The following RMDN2 variants were observed in gnomAD, a reference collection of about 807,000 sequenced individuals.
RMDN2 encodes the protein regulator of microtubule dynamics protein 2.
RMDN2 carries 61 observed loss-of-function variants against 52.8 expected under a neutral mutation model. That is an observed-to-expected ratio of 1.16 (90% CI 0.94 to 1.43). The LOEUF (loss-of-function observed/expected upper bound fraction) is 1.43, where lower values mean the gene tolerates loss of function less well. Among genes scored for constraint, RMDN2 ranks in the 40% most tolerant of loss-of-function variants. The pLI, the probability that RMDN2 is intolerant of heterozygous loss-of-function variation, is 0.00. For missense variants in RMDN2, 592 were observed against 475.3 expected, an observed-to-expected ratio of 1.25 and a Z score of -2.28; for synonymous variants, 180 against 153.1, an observed-to-expected ratio of 1.18 and a Z score of -1.30.
intron 1 of RMDN2, among the ~76,000 whole-genome samples, chr2:37,926,280 C>A (rs1009297264): frequency 6.6e-6 from 1 of 152,160 alleles, no homozygotes; most frequent in Non-Finnish European, 1.5e-5. Flanking sequence ...AGCATAATTT[C>A]TACATCAAAA....
At chr2:37,953,702 A>T (rs147319677) in intron 2 of RMDN2, among the ~76,000 whole-genome samples, 5 of 152,012 alleles carry the variant, frequency 3.3e-5, no homozygotes, top group Admixed American at 6.6e-5. Flanking sequence ...TCTTTTGAGT[A>T]TATATCCAGA....
At chr2:37,957,370 T>A (rs537408428) in intron 2 of RMDN2, among the ~76,000 whole-genome samples, 1 of 152,244 alleles carries the variant, frequency 6.6e-6, no homozygotes, top group African/African-American at 2.4e-5. Context: ...AGATGGTATC[T>A]CATTGTGGTT....
chr2:38,063,963 G>A (rs1368751015), intron 10 of RMDN2, among the ~76,000 whole-genome samples: 1 of 151,602 alleles, frequency 6.6e-6, no homozygotes, highest in Non-Finnish European at 1.5e-5. Flanking sequence ...GAAAACAATA[G>A]TGAATCCTGT....
At chr2:37,962,590 C>T (rs562062955) in intron 2 of RMDN2, among the ~76,000 whole-genome samples, 23 of 152,264 alleles carry the variant, frequency 1.5e-4, no homozygotes, top group Admixed American at 9.1e-4. Flanking sequence ...GTGCTGGCAG[C>T]GAGAATTTCC....
chr2:38,066,748 C>T (rs1236905165), intron 10 of RMDN2: 1 of 501,836 alleles, frequency 2.0e-6, no homozygotes. Context: ...CAAAAACTGG[C>T]CCCAATTATA....
chr2:37,961,310 C>T (rs1439715842), intron 2 of RMDN2, among the ~76,000 whole-genome samples: 1 of 152,104 alleles, frequency 6.6e-6, no homozygotes, highest in Admixed American at 6.5e-5. Flanking sequence ...TTCTCCCTAT[C>T]ACTTTCAGGT....
intron 10 of RMDN2, among the ~76,000 whole-genome samples, chr2:38,010,927 G>C (rs563420735): frequency 1.3e-5 from 2 of 152,186 alleles, no homozygotes; most frequent in Non-Finnish European, 2.9e-5. Flanking sequence ...AAAATTTGCT[G>C]TATCTCTGTA....
chr2:38,044,268 TA>T (rs1681137683), intron 10 of RMDN2, among the ~76,000 whole-genome samples: 1 of 152,076 alleles, frequency 6.6e-6, no homozygotes, highest in Non-Finnish European at 1.5e-5. Context: ...GTTGTCTCTC[TA>T]CAGGTAAAGT....
rs528387019 is a variant in RMDN2 at position 38,030,763 on chromosome 2, G to A, written c.1713+26547G>A. 3.9e-5 allele frequency: 6 copies of A among 152,294 alleles called. No homozygotes were observed. The East Asian group carries it at 1.2e-3, about 29-fold the overall frequency. 9.4% of individuals were successfully genotyped at this position (152,294 alleles called of 1,614,324 possible). ...GGTACAAAGGTTAGATTTGCTGAAG[G>A]TCACACACTTTGTTTCTAAGACTGT... On this transcript the variant is annotated intron_variant, in intron 10 of 10. Coordinates refer to the RMDN2 transcript ENST00000234195.
At chr2:37,981,130 C>T (rs1166249494) in intron 4 of RMDN2, among the ~76,000 whole-genome samples, 153 bp from the exon 5 acceptor site, 1 of 152,154 alleles carries the variant, frequency 6.6e-6, no homozygotes, top group Non-Finnish European at 1.5e-5. Context: ...GAGTAGATCT[C>T]CAATGTGGCT....
rs146365402 is a variant in RMDN2 at position 37,939,384 on chromosome 2, A to G, written c.452+9655A>G. ...TATATTCTGTTGATGTGTGGTGGAG[A>G]GTTCTATAGATGTCTATTAGGTCCG... On this transcript the variant is annotated intron_variant, in intron 2 of 10. Transcript: ENST00000354545. Among the ~76,000 whole-genome samples the G allele has an allele frequency of 1.4e-3, 217 of 152,138 alleles. 5 individuals are homozygous for G. The East Asian group carries it at 0.037, about 26-fold the overall frequency.
At position 37,994,885 on chromosome 2, in the gene RMDN2, A is replaced by C. The variant is rs546918029; in HGVS notation, c.946-2531A>C. On this transcript the variant is annotated intron_variant, in intron 7 of 10. Transcript: ENST00000354545. ...AACAACATGCATGACTCTTCAAAGC[A>C]TTATGCCGAGAAAGCTCACAGAAGA... is the stretch of plus-strand genomic sequence containing the variant. Among the ~76,000 whole-genome samples the C allele has an allele frequency of 9.2e-5, 14 of 152,342 alleles. 1 individual carries two copies. In the South Asian group the frequency reaches 2.7e-3, roughly 29 times the overall value.
At chr2:37,982,726 G>A (rs545068781) in intron 5 of RMDN2, among the ~76,000 whole-genome samples, 1 of 152,112 alleles carries the variant, frequency 6.6e-6, no homozygotes, top group Non-Finnish European at 1.5e-5. Flanking sequence ...TAATTTTTCA[G>A]GTAACAATTT....
At chr2:37,964,147 TGCCGGGCGGAGGG>T (rs1670711291) in intron 2 of RMDN2, among the ~76,000 whole-genome samples, 3 of 150,262 alleles carry the variant, frequency 2.0e-5, no homozygotes, top group African/African-American at 7.4e-5. Context: ...ACGGGGCGCC[TGCCGGGCGGAGGG>T]GCTCCTCACT....
intron 10 of RMDN2, among the ~76,000 whole-genome samples, chr2:38,045,528 G>A (rs933932585): frequency 2.0e-5 from 3 of 152,158 alleles, no homozygotes; most frequent in Non-Finnish European, 1.5e-5. Flanking sequence ...GGAACAAGGA[G>A]CTTTAGAAAT....
chr2:38,026,772 T>C (rs1277448847), intron 10 of RMDN2, among the ~76,000 whole-genome samples: 1 of 152,164 alleles, frequency 6.6e-6, no homozygotes, highest in Non-Finnish European at 1.5e-5. Context: ...CTTTCTACTA[T>C]AAGCATTTAG....
At chr2:37,948,577 C>G (rs1183763879) in intron 2 of RMDN2, among the ~76,000 whole-genome samples, 1 of 152,096 alleles carries the variant, frequency 6.6e-6, no homozygotes, top group Non-Finnish European at 1.5e-5. Context: ...TTACTATTTG[C>G]TTTTGGGCTA....
At chr2:37,969,752 A>G (rs917358716) in intron 2 of RMDN2, among the ~76,000 whole-genome samples, 10 of 151,894 alleles carry the variant, frequency 6.6e-5, no homozygotes, top group African/African-American at 2.4e-4. Context: ...TTGATTTTGA[A>G]GAGACTGCTT....
chr2:38,004,301 TG>T, intron 10 of RMDN2, 85 bp downstream of exon 10: 1 of 881,782 alleles, frequency 1.1e-6, no homozygotes, highest in Non-Finnish European at 1.8e-6. Flanking sequence ...TAGATACATT[TG>T]TAGTTTTCTC....
Sources: allele counts gnomAD v4.1 joint callset (sites outside exome capture counted in the v4.1 genomes callset), GRCh38; gene constraint gnomAD v4.1.1; transcripts MANE v1.5; gene names NCBI Gene and HGNC (gene_info 2026-07-23, HGNC 2026-07-21).